The following SERINC4 variants were observed in gnomAD, a reference collection of about 807,000 sequenced individuals.
SERINC4 encodes serine incorporator 4.
A neutral mutation model predicts 52.0 loss-of-function variants in SERINC4; 52 were observed. The observed-to-expected ratio is 1.00, with a 90% confidence interval of 0.80 to 1.26. The LOEUF is 1.26. SERINC4 is among the 50% of genes most tolerant of loss of function. The pLI is 0.00. For missense variants in SERINC4, 723 were observed against 632.8 expected, an observed-to-expected ratio of 1.14 and a Z score of -1.53; for synonymous variants, 264 against 247.7, an observed-to-expected ratio of 1.07 and a Z score of -0.62.
Position 43,796,649 on chromosome 15 carries a change from G to C in SERINC4, c.1034C>G (p.Ala345Gly), listed in dbSNP as rs1249646711. Reference sequence around the variant, plus strand: ...AAGCACACAAGCATACATGATGCTAGCACTCAGCATTGCTAGAGAGATATC... The same window carrying C: ...AAGCACACAAGCATACATGATGCTACCACTCAGCATTGCTAGAGAGATATC... ...TPDISLAMLSASIMYACVLFA... is the reference protein window; with the variant it reads ...TPDISLAMLSGSIMYACVLFA... Residue 345 changes from alanine (A) to glycine (G), a missense_variant, in exon 8 of 12, where the codon GCT (alanine) becomes GGT (glycine). Transcript: ENST00000319327. The C allele has an allele frequency of 6.2e-7, 1 of 1,614,084 alleles. No homozygotes were observed. Among genetic ancestry groups the C allele is most frequent in the South Asian group, 1.1e-5 (1 of 91,084 alleles).
Position 43,799,154 on chromosome 15 carries a change from G to A in SERINC4, c.280-17C>T, listed in dbSNP as rs1287975400. ...CATCTGGATCTGGGAGTGTGTGTGAGAGAAATGGCAGGACAAGTCATAATG... is the reference window on the plus strand; with the variant it reads ...CATCTGGATCTGGGAGTGTGTGTGAAAGAAATGGCAGGACAAGTCATAATG... On this transcript the variant is annotated splice_polypyrimidine_tract_variant and intron_variant, in intron 2 of 11. Transcript: ENST00000319327. 1 of 1,543,436 alleles carries A rather than the reference G, an allele frequency of 6.5e-7. No individual in the cohort carries two copies. Among genetic ancestry groups the A allele is most frequent in the Admixed American group, 2.0e-5 (1 of 50,896 alleles).
At position 43,797,209 on chromosome 15, in the gene SERINC4, G is replaced by C; in HGVS notation, c.780C>G (p.Leu260=). Residue 260 remains leucine (L), a synonymous_variant, in exon 6 of 12, where the codon CTC becomes CTG. Transcript: ENST00000319327. ...GGCCACAGAAGCAAAGGTGCAGACT[G>C]AGGAGCATCTTGTTAAGCAGGCAGC... is the stretch of plus-strand genomic sequence containing the variant. ...PAGCLLNKML[L]SLHLCFCGLI... is the part of the protein sequence containing the mutation. 4 of 1,550,942 alleles carry C rather than the reference G, an allele frequency of 2.6e-6. No individual in the cohort carries two copies. Among genetic ancestry groups the C allele is most frequent in the Non-Finnish European group, 2.6e-6 (3 of 1,147,032 alleles).
At chr15:43,795,784 G>C (rs1031821762) in intron 9 of SERINC4, 48 bp from the exon 10 acceptor site, 6 of 1,583,322 alleles carry the variant, frequency 3.8e-6, no homozygotes, top group South Asian at 2.3e-5. Context: ...AGATGTGAGG[G>C]TGTTAATCTA....
intron 1 of SERINC4, 111 bp downstream of exon 1, chr15:43,799,774 G>T (rs902353901): frequency 7.6e-6 from 7 of 921,138 alleles, no homozygotes; most frequent in Non-Finnish European, 1.2e-5. Context: ...GATTATACCT[G>T]GGGCAACGAA....
chr15:43,796,559 C>T, intron 8 of SERINC4, 57 bp downstream of exon 8: 2 of 1,589,254 alleles, frequency 1.3e-6, no homozygotes, highest in African/African-American at 1.3e-5. Context: ...TCCTGACCAT[C>T]CTTCCCTGTC....
rs949308378 is a variant in SERINC4, at chr15:43,799,143, A to T, written c.280-6T>A. 6.5e-7 allele frequency: 1 copy of T among 1,545,022 alleles called. No homozygotes were observed. Among genetic ancestry groups the T allele is most frequent in the Non-Finnish European group, 8.8e-7 (1 of 1,142,122 alleles). On this transcript the variant is annotated splice_region_variant and splice_polypyrimidine_tract_variant and intron_variant, in intron 2 of 11. Coordinates refer to ENST00000319327, the MANE Select transcript of SERINC4 (RefSeq NM_001258031.2). ...AACCCCGAGGGCATCTGGATCTGGG[A>T]GTGTGTGTGAGAGAAATGGCAGGAC...
At chr15:43,796,438 T>C (rs2087218033) in intron 8 of SERINC4, 178 bp downstream of exon 8, 2 of 729,750 alleles carry the variant, frequency 2.7e-6, no homozygotes, top group Non-Finnish European at 4.6e-6. Context: ...ACCCCCTTCA[T>C]CTCATACAGA....
rs1380307598 is a variant in SERINC4 at position 43,796,206 on chromosome 15, A to G, written c.1089T>C (p.Ala363=). 2 of 1,614,008 alleles carry G rather than the reference A, an allele frequency of 1.2e-6. No individual in the cohort carries two copies. Among genetic ancestry groups the G allele is most frequent in the South Asian group, 1.1e-5 (1 of 91,076 alleles). The part of the protein sequence containing the change: ...LFACNEASYL[A]EVFGPLWIVK... ...CAATCCACAGGGGTCCAAATACCTCAGCCAGGTAGGAGGCCTCATTGCTGA... is the reference window on the plus strand; with the variant it reads ...CAATCCACAGGGGTCCAAATACCTCGGCCAGGTAGGAGGCCTCATTGCTGA... Residue 363 remains alanine, a synonymous_variant, in exon 9 of 12, where the codon GCT becomes GCC. Transcript: ENST00000319327.
In SERINC4 at chr15:43,794,954, A is replaced by G. The variant is rs372775523; in HGVS notation, c.*46T>C. 8 of 1,487,996 alleles carry G rather than the reference A, an allele frequency of 5.4e-6. No homozygotes were observed. The highest frequency in any genetic ancestry group is 3.6e-5 in the South Asian group (3 of 82,784). 92.2% of individuals were successfully genotyped at this position (1,487,996 alleles called of 1,614,324 possible). A position where few individuals can be genotyped will look rare whatever the true frequency, so the allele number is the denominator to read the frequency against. ...GGGCTGGACAGCTCCCCTTGAGCCAACTCTAGGAGTACAATGTCAGGGGAA... is the reference window on the plus strand; with the variant it reads ...GGGCTGGACAGCTCCCCTTGAGCCAGCTCTAGGAGTACAATGTCAGGGGAA... On this transcript the variant is annotated 3_prime_UTR_variant, in exon 12 of 12. Transcript: ENST00000319327.
intron 11 of SERINC4, 22 bp downstream of exon 11, chr15:43,795,366 T>A: frequency 6.2e-7 from 1 of 1,613,582 alleles, no homozygotes; most frequent in Non-Finnish European, 8.5e-7. Flanking sequence ...CAGGAGAGTA[T>A]CTAAGGCCCA....
rs1447444143 is a variant in SERINC4, at chr15:43,795,514, G to GGAA, written c.1216_1217insTTC (p.Ala406delinsValPro). ...AGGAGCTGGAGGGGTTTCTTGGTCAGCTGGCCTCGCAGCCCCACCCCTTTG... is the reference window on the plus strand; with the variant it reads ...AGGAGCTGGAGGGGTTTCTTGGTCAGGAACTGGCCTCGCAGCCCCACCCCTTTG... On this transcript the variant is annotated protein_altering_variant, in exon 11 of 12. Transcript: ENST00000319327. 6.2e-7 allele frequency: 1 copy of GGAA among 1,614,168 alleles called. No homozygotes were observed. The highest frequency in any genetic ancestry group is 2.2e-5 in the East Asian group (1 of 44,886).
At chr15:43,796,582 C>G in intron 8 of SERINC4, 34 bp downstream of exon 8, 1 of 1,612,054 alleles carries the variant, frequency 6.2e-7, no homozygotes, top group Non-Finnish European at 8.5e-7. Flanking sequence ...GGGCACCCTC[C>G]TTTCATACCT....
chr15:43,797,232 A>G lies in SERINC4; in HGVS notation c.757T>C (p.Cys253Arg), dbSNP rs1267753440. 1 of 1,550,608 alleles carries G rather than the reference A, an allele frequency of 6.4e-7. No individual in the cohort carries two copies. Among genetic ancestry groups the G allele is most frequent in the African/African-American group, 1.4e-5 (1 of 73,038 alleles). ...CTGAGGAGCATCTTGTTAAGCAGGC[A>G]GCCAGCTGGGTGTGTATAATAGTGG... ...LFHYYTHPAG[C>R]LLNKMLLSLH... Residue 253 changes from cysteine to arginine, a missense_variant, in exon 6 of 12, where the codon TGC becomes CGC. Physicochemically the swap from Cys to Arg is radical, Grantham distance 180. Coordinates refer to ENST00000319327, the MANE Select transcript of SERINC4 (RefSeq NM_001258031.2).
chr15:43,795,019 T>C lies in SERINC4; in HGVS notation c.1538A>G (p.Asn513Ser). The C allele has an allele frequency of 6.2e-7, 1 of 1,611,560 alleles. No individual in the cohort carries two copies. The highest frequency in any genetic ancestry group is 8.5e-7 in the Non-Finnish European group (1 of 1,179,610). The change falls in exon 12 of 12, where the codon AAC becomes AGC. Residue 513 changes from asparagine to serine, a missense_variant. Physicochemically the swap from Asn to Ser is conservative, Grantham distance 46 (BLOSUM62 1). Transcript: ENST00000319327. ...AAGGACTTAGACTGGAGGATATTTG[T>C]TATCTGGGGATATGATGCGGTGGCG... Reference protein sequence around the residue: ...RRRHRIISPDNKYPPV With the variant: ...RRRHRIISPDSKYPPV
chr15:43,797,400 T>C (rs2087237271), intron 5 of SERINC4, 44 bp from the exon 6 acceptor site: 1 of 1,493,766 alleles, frequency 6.7e-7, no homozygotes, highest in East Asian at 2.5e-5. Flanking sequence ...CCAGCATTTT[T>C]TTTTTTTTTG....
chr15:43,794,937 C>G lies in SERINC4; in HGVS notation c.*63G>C. Reference sequence around the variant, plus strand: ...CCTTGAGGTATTGAGCTGGGCTGGACAGCTCCCCTTGAGCCAACTCTAGGA... The same window carrying G: ...CCTTGAGGTATTGAGCTGGGCTGGAGAGCTCCCCTTGAGCCAACTCTAGGA... On this transcript the variant is annotated 3_prime_UTR_variant, in exon 12 of 12. Transcript: ENST00000319327. The G allele has an allele frequency of 7.5e-7, 1 of 1,336,444 alleles. No individual in the cohort carries two copies. The highest frequency in any genetic ancestry group is 2.7e-4 in the Middle Eastern group (1 of 3,738). The allele number at this position is 1,336,444 out of a possible 1,614,324, so 82.8% of individuals were successfully genotyped here. A position where few individuals can be genotyped will look rare whatever the true frequency, so the allele number is the denominator to read the frequency against.
At chr15:43,797,093 GC>G in intron 6 of SERINC4, 51 bp downstream of exon 6, 1 of 1,499,810 alleles carries the variant, frequency 6.7e-7, no homozygotes, top group Non-Finnish European at 9.1e-7. Context: ...AATGAAACTT[GC>G]TATGCTTTTA....
Position 43,799,405 on chromosome 15 carries a change from G to C in SERINC4, c.184C>G (p.Leu62Val). 1 of 1,550,958 alleles carries C rather than the reference G, an allele frequency of 6.4e-7. No homozygotes were observed. The highest frequency in any genetic ancestry group is 2.4e-5 in the East Asian group (1 of 40,922). ...PSLTASTCSR[L>V]FYILLHVGAS... Reference sequence around the variant, plus strand: ...CCCACATGGAGGAGGATGTAGAACAGGCGGCTGCAAGTGGATGCGGTGAGA... The same window carrying C: ...CCCACATGGAGGAGGATGTAGAACACGCGGCTGCAAGTGGATGCGGTGAGA... Residue 62 changes from leucine to valine, a missense_variant, in exon 2 of 12, where the codon CTG (leucine) becomes GTG (valine). Leu to Val is a conservative substitution (Grantham distance 32). Transcript: ENST00000319327.
chr15:43,794,966 C>T lies in SERINC4; in HGVS notation c.*34G>A, dbSNP rs2087168671. 6.5e-7 allele frequency: 1 copy of T among 1,549,580 alleles called. No individual in the cohort carries two copies. Among genetic ancestry groups the T allele is most frequent in the South Asian group, 1.2e-5 (1 of 86,144 alleles). ...TCCCCTTGAGCCAACTCTAGGAGTA[C>T]AATGTCAGGGGAACCCCAGTTTGTG... On this transcript the variant is annotated 3_prime_UTR_variant, in exon 12 of 12. Coordinates refer to ENST00000319327, the MANE Select transcript of SERINC4 (RefSeq NM_001258031.2).
Sources: allele counts gnomAD v4.1 joint callset, GRCh38; gene constraint gnomAD v4.1.1; transcripts MANE v1.5; gene names NCBI Gene and HGNC (gene_info 2026-07-23, HGNC 2026-07-21).